XKR9: variants seen among roughly 807,000 people sequenced by gnomAD.
The protein encoded by XKR9 is XK related 9.
In XKR9, 32 loss-of-function variants were observed where a neutral mutation model predicts 32.0. The observed-to-expected ratio is 1.00, with a 90% CI of 0.76 to 1.34. The LOEUF (loss-of-function observed/expected upper bound fraction) is 1.34, where lower values mean the gene tolerates loss of function less well. Ranked by LOEUF, XKR9 falls within the 40% of genes most tolerant of loss-of-function variation. The pLI, the probability that XKR9 is intolerant of heterozygous loss-of-function variation, is 0.00. For synonymous variants in XKR9, 168 were observed against 143.4 expected (o/e 1.17, Z -1.22); for missense variants, 546 against 429.7 (o/e 1.27, Z -2.39).
At chr8:70,762,967 G>T (rs2130212703) in intron 2 of XKR9, among the ~76,000 whole-genome samples, 1 of 152,214 alleles carries the variant, frequency 6.6e-6, no homozygotes, top group East Asian at 1.9e-4. Context: ...ATTGTATGTG[G>T]TGGATTTTTT....
At chr8:70,882,802 T>C in the XKR9 span, among the ~76,000 whole-genome samples, 1 of 151,968 alleles carries the variant, frequency 6.6e-6, no homozygotes, top group East Asian at 1.9e-4. Flanking sequence ...ACATTAGAGT[T>C]CATTTTTGCA....
chr8:71,041,196 G>A, the XKR9 span, among the ~76,000 whole-genome samples: 3 of 152,082 alleles, frequency 2.0e-5, no homozygotes, highest in East Asian at 1.9e-4. Context: ...CTCTGAACAA[G>A]CTGATACCAA....
At chr8:71,018,416 T>A in the XKR9 span, among the ~76,000 whole-genome samples, 2 of 152,098 alleles carry the variant, frequency 1.3e-5, no homozygotes, top group Non-Finnish European at 2.9e-5. Context: ...TGAATGAGGG[T>A]CAAATAATTT....
chr8:71,036,395 A>G, the XKR9 span, among the ~76,000 whole-genome samples: 1 of 152,320 alleles, frequency 6.6e-6, no homozygotes, highest in Middle Eastern at 3.4e-3. Flanking sequence ...AGTTGTTACA[A>G]ACATAAAGTT....
At chr8:70,767,016 T>C (rs1234395931) in intron 2 of XKR9, among the ~76,000 whole-genome samples, 10 of 152,194 alleles carry the variant, frequency 6.6e-5, no homozygotes, top group South Asian at 2.1e-4. Flanking sequence ...TTATTGAGGA[T>C]TTTTCACATC....
the XKR9 span, among the ~76,000 whole-genome samples, chr8:71,055,686 A>G: frequency 1.3e-5 from 2 of 152,196 alleles, no homozygotes; most frequent in Admixed American, 6.5e-5. Flanking sequence ...TTTCACTGTT[A>G]TGAAACATCT....
chr8:70,724,983 G>T (rs1806413954), intron 4 of XKR9, among the ~76,000 whole-genome samples: 1 of 152,150 alleles, frequency 6.6e-6, no homozygotes, highest in African/African-American at 2.4e-5. Flanking sequence ...TGCAGTGCTG[G>T]TAGGGGCCTC....
intron 3 of XKR9, among the ~76,000 whole-genome samples, 200 bp downstream of exon 3, chr8:70,681,530 T>C (rs1406655549): frequency 6.6e-6 from 1 of 152,116 alleles, no homozygotes; most frequent in East Asian, 1.9e-4. Context: ...TAAAAATGTT[T>C]AAATTTATCT....
chr8:70,736,347 A>G (rs866871904), downstream of XKR9, among the ~76,000 whole-genome samples: 2 of 151,530 alleles, frequency 1.3e-5, no homozygotes, highest in African/African-American at 4.8e-5. Flanking sequence ...GTTTGAGTTC[A>G]TTGTAGATTC....
chr8:70,829,631 G>C, the XKR9 span, among the ~76,000 whole-genome samples: 1 of 152,028 alleles, frequency 6.6e-6, no homozygotes, highest in Non-Finnish European at 1.5e-5. Context: ...TGTATTTTTA[G>C]TAGAGACGGG....
chr8:70,895,943 G>A, the XKR9 span, among the ~76,000 whole-genome samples: 1 of 152,116 alleles, frequency 6.6e-6, no homozygotes, highest in Admixed American at 6.5e-5. Context: ...AGGAAGTCGA[G>A]GCTGCGGTGA....
chr8:70,900,227 G>C, the XKR9 span, among the ~76,000 whole-genome samples: 1 of 151,990 alleles, frequency 6.6e-6, no homozygotes, highest in East Asian at 1.9e-4. Flanking sequence ...TCTTCCACTG[G>C]TTACTTTATA....
At chr8:70,810,983 G>A in the XKR9 span, among the ~76,000 whole-genome samples, 927 of 152,158 alleles carry the variant, frequency 6.1e-3, 13 homozygotes, top group African/African-American at 0.021. Flanking sequence ...TCAACAGAAT[G>A]TACATTCTTT....
intron 2 of XKR9, among the ~76,000 whole-genome samples, chr8:70,769,209 A>G (rs555198665): frequency 1.7e-4 from 26 of 152,026 alleles, no homozygotes; most frequent in African/African-American, 6.3e-4. Flanking sequence ...GCTGGAAATG[A>G]AATTCTGGGT....
At chr8:70,685,338 A>C (rs1819227341) in intron 3 of XKR9, among the ~76,000 whole-genome samples, 1 of 99,388 alleles carries the variant, frequency 1.0e-5, no homozygotes, top group Admixed American at 1.4e-4. Context: ...CACCCTGGGG[A>C]CTGTTGTGGG....
rs573651266 is a variant in XKR9 at position 70,695,410 on chromosome 8, G to A, written c.273-11523G>A. On this transcript the variant is annotated intron_variant, in intron 3 of 4. Transcript: ENST00000408926. ...TTCTCACTGTTCAATTCCCACCTAT[G>A]AGTGAGAACATGCAGTGTTTGGTTT... Among the ~76,000 whole-genome samples the A allele has an allele frequency of 2.1e-5, 3 of 141,804 alleles. No homozygotes were observed. In the South Asian group the frequency reaches 6.6e-4, roughly 31 times the overall value. 93.0% of individuals were successfully genotyped at this position (141,804 alleles called of 152,430 possible). A position where few individuals can be genotyped will look rare whatever the true frequency, so the allele number is the denominator to read the frequency against.
the XKR9 span, among the ~76,000 whole-genome samples, chr8:70,983,380 CATAATTTCTT>C: frequency 6.6e-6 from 1 of 152,112 alleles, no homozygotes; most frequent in African/African-American, 2.4e-5. Flanking sequence ...AGCCTGTTAC[CATAATTTCTT>C]ATTAAATGTC....
At chr8:70,843,888 T>TCCTG in the XKR9 span, among the ~76,000 whole-genome samples, 1 of 152,108 alleles carries the variant, frequency 6.6e-6, no homozygotes, top group Non-Finnish European at 1.5e-5. Flanking sequence ...CCAGACTGCA[T>TCCTG]CCTGCCCTGG....
the XKR9 span, among the ~76,000 whole-genome samples, chr8:71,006,844 A>G: frequency 0.43 from 65,700 of 151,998 alleles, 15,294 homozygotes; most frequent in Non-Finnish European, 0.53. Context: ...AAAGGGATAG[A>G]GTTGAGGAGT....
Sources: allele counts gnomAD v4.1 joint callset (sites outside exome capture counted in the v4.1 genomes callset), GRCh38; gene constraint gnomAD v4.1.1; transcripts MANE v1.5; gene names NCBI Gene and HGNC (gene_info 2026-07-23, HGNC 2026-07-21).